SOX5: variants seen among roughly 807,000 people sequenced by gnomAD.
SOX5 encodes transcription factor SOX-5.
SOX5 carries 9 observed loss-of-function variants against 92.0 expected under a neutral mutation model. The observed-to-expected ratio is 0.10, with a 90% CI of 0.06 to 0.17. The LOEUF is 0.17. Ranked by LOEUF, SOX5 falls within the 10% of genes least tolerant of loss-of-function variation. The probability of loss-of-function intolerance (pLI) is 1.00; values close to 1 mark genes in which losing one functional copy is unlikely to be tolerated. For missense variants in SOX5, 642 were observed against 944.5 expected (o/e 0.68, Z 4.20); for synonymous variants, 344 against 336.3 (o/e 1.02, Z -0.25).
intron 3 of SOX5, among the ~76,000 whole-genome samples, chr12:24,244,515 T>C (rs905206985): frequency 1.3e-5 from 2 of 152,182 alleles, no homozygotes; most frequent in African/African-American, 2.4e-5. Context: ...GGTTAAACAC[T>C]TGGGTGCTAG....
intron 4 of SOX5, among the ~76,000 whole-genome samples, chr12:24,045,303 A>G (rs1956889020): frequency 6.6e-6 from 1 of 152,186 alleles, no homozygotes; most frequent in African/African-American, 2.4e-5. Flanking sequence ...CAAAGGGATT[A>G]AATATTTGAA....
At chr12:23,570,924 A>T (rs1948127867) in intron 10 of SOX5, among the ~76,000 whole-genome samples, 1 of 42,556 alleles carries the variant, frequency 2.3e-5, no homozygotes, top group African/African-American at 9.8e-5. Context: ...AAAAAAAAAA[A>T]AAAAAAATAT....
chr12:24,121,525 G>A (rs1948612497), intron 4 of SOX5, among the ~76,000 whole-genome samples: 1 of 151,852 alleles, frequency 6.6e-6, no homozygotes, highest in African/African-American at 2.4e-5. Flanking sequence ...GAAGTTTATG[G>A]GGACAATGAC....
At chr12:24,388,160 G>A (rs1037792057) in intron 1 of SOX5, among the ~76,000 whole-genome samples, 3 of 152,282 alleles carry the variant, frequency 2.0e-5, no homozygotes, top group Non-Finnish European at 4.4e-5. Context: ...CCTCTTTCCA[G>A]AAATCAAAAT....
chr12:23,976,215 A>T (rs1304351532), intron 4 of SOX5, among the ~76,000 whole-genome samples: 1 of 151,984 alleles, frequency 6.6e-6, no homozygotes, highest in Non-Finnish European at 1.5e-5. Context: ...GTCTGGAATT[A>T]AATAAACCTA....
chr12:24,479,709 AG>A (rs1400021529), intron 1 of SOX5, among the ~76,000 whole-genome samples: 4 of 151,910 alleles, frequency 2.6e-5, no homozygotes, highest in African/African-American at 9.7e-5. Context: ...TCTGTCGTCC[AG>A]GCTGGAATGC....
At chr12:23,934,789 G>A (rs1388676013) in intron 1 of SOX5, among the ~76,000 whole-genome samples, 1 of 151,186 alleles carries the variant, frequency 6.6e-6, no homozygotes, top group African/African-American at 2.4e-5. Context: ...GCACTAAGAT[G>A]ACCTATAATA....
At chr12:23,666,792 C>A (rs931508817) in intron 6 of SOX5, among the ~76,000 whole-genome samples, 1 of 151,976 alleles carries the variant, frequency 6.6e-6, no homozygotes, top group African/African-American at 2.4e-5. Context: ...GGGATGATGG[C>A]GGTGAAAAAA....
upstream of SOX5, among the ~76,000 whole-genome samples, chr12:23,949,856 T>C (rs1229770038): frequency 7.0e-6 from 1 of 141,858 alleles, no homozygotes; most frequent in Non-Finnish European, 1.5e-5. Context: ...CTTAAAGGGG[T>C]AGTGCACTTC....
At chr12:23,546,222 G>A (rs1943109306) in intron 12 of SOX5, 94 bp downstream of exon 12, 1 of 713,128 alleles carries the variant, frequency 1.4e-6, no homozygotes, top group Admixed American at 2.2e-5. Context: ...TGAGGTATGA[G>A]GTGGCTGTCT....
intron 4 of SOX5, among the ~76,000 whole-genome samples, chr12:24,010,831 C>T (rs1021026116): frequency 2.0e-5 from 3 of 151,688 alleles, no homozygotes; most frequent in African/African-American, 7.3e-5. Context: ...CCCAGCTATT[C>T]AAGAGGCTGA....
intron 6 of SOX5, among the ~76,000 whole-genome samples, chr12:23,687,876 C>CTTTT (rs10632537): frequency 3.7e-4 from 55 of 149,200 alleles, no homozygotes; most frequent in East Asian, 7.9e-4. Context: ...TGCCAGTTCA[C>CTTTT]TTTTTTTTTT....
chr12:24,241,611 G>A (rs537353212), intron 3 of SOX5, among the ~76,000 whole-genome samples: 6 of 150,676 alleles, frequency 4.0e-5, no homozygotes, highest in African/African-American at 1.2e-4. Context: ...AGTTTGCAGC[G>A]TTCAGGTGAC....
At chr12:24,528,276 C>T (rs1337233937) in intron 1 of SOX5, among the ~76,000 whole-genome samples, 2 of 152,102 alleles carry the variant, frequency 1.3e-5, no homozygotes, top group Admixed American at 1.3e-4. Flanking sequence ...CTGTACATCC[C>T]CTTTTATGGA....
At chr12:24,156,454 C>T (rs1200579004) in intron 4 of SOX5, among the ~76,000 whole-genome samples, 1 of 152,056 alleles carries the variant, frequency 6.6e-6, no homozygotes, top group African/African-American at 2.4e-5. Context: ...CCTTGGAAAG[C>T]AAGACTTGTT....
intron 7 of SOX5, 133 bp from the exon 8 acceptor site, chr12:23,641,030 G>GA (rs2079984598): frequency 1.7e-6 from 1 of 582,704 alleles, no homozygotes; most frequent in East Asian, 3.0e-5. Context: ...GCTCTATTGT[G>GA]CAGCCTTTTA....
chr12:23,814,372 G>A (rs1435402960), intron 3 of SOX5, among the ~76,000 whole-genome samples: 1 of 152,142 alleles, frequency 6.6e-6, no homozygotes, highest in Non-Finnish European at 1.5e-5. Context: ...ACAATGAGAT[G>A]TCCCATACTG....
intron 4 of SOX5, among the ~76,000 whole-genome samples, chr12:24,109,048 T>C (rs1419345060): frequency 6.6e-6 from 1 of 152,174 alleles, no homozygotes; most frequent in Non-Finnish European, 1.5e-5. Context: ...AGTAGCATAT[T>C]TGAAACCTGC....
chr12:24,335,098 CT>C (rs1565929128), intron 2 of SOX5, among the ~76,000 whole-genome samples: 1 of 152,066 alleles, frequency 6.6e-6, no homozygotes, highest in African/African-American at 2.4e-5. Context: ...TAAATCTTAG[CT>C]TTTTTGTCTT....
Sources: allele counts gnomAD v4.1 joint callset (sites outside exome capture counted in the v4.1 genomes callset), GRCh38; gene constraint gnomAD v4.1.1; transcripts MANE v1.5; gene names NCBI Gene and HGNC (gene_info 2026-07-23, HGNC 2026-07-21).